The following DENND2C variants were observed in gnomAD, a reference collection of about 807,000 sequenced individuals.
DENND2C encodes the protein DENN domain containing 2C.
A neutral mutation model predicts 112.4 loss-of-function variants in DENND2C; 72 were observed. The observed-to-expected ratio is 0.64, with a 90% CI of 0.53 to 0.78. The LOEUF (loss-of-function observed/expected upper bound fraction) is 0.78. Ranked by LOEUF, DENND2C falls within the 30% of genes least tolerant of loss-of-function variation. The pLI is 0.00. For missense variants in DENND2C, 992 were observed against 1,113.8 expected (o/e 0.89, Z 1.56); for synonymous variants, 329 against 381.6 (o/e 0.86, Z 1.61).
At chr1:114,654,973 A>G (rs369065130) in intron 1 of DENND2C, among the ~76,000 whole-genome samples, 13 of 152,176 alleles carry the variant, frequency 8.5e-5, no homozygotes, top group African/African-American at 2.9e-4. Context: ...GAAGTCCCAT[A>G]TAACACTTTT....
intron 3 of DENND2C, among the ~76,000 whole-genome samples, chr1:114,632,001 T>C (rs1656503674): frequency 6.6e-6 from 1 of 152,060 alleles, no homozygotes; most frequent in South Asian, 2.1e-4. Context: ...CTATCTGAAA[T>C]GAAAAATTCA....
intron 3 of DENND2C, among the ~76,000 whole-genome samples, chr1:114,626,867 A>G (rs2101668640): frequency 6.6e-6 from 1 of 152,010 alleles, no homozygotes; most frequent in East Asian, 1.9e-4. Flanking sequence ...ATATATATAC[A>G]CAGAATTACA....
At chr1:114,620,130 G>A (rs1366109384) in intron 7 of DENND2C, among the ~76,000 whole-genome samples, 2 of 152,150 alleles carry the variant, frequency 1.3e-5, no homozygotes, top group East Asian at 1.9e-4. Flanking sequence ...GGCATTAAAG[G>A]GGAAATAAAT....
rs1387102259 is a variant in DENND2C, at chr1:114,594,565, T to C, written c.2339A>G (p.Asp780Gly). 3 of 1,613,354 alleles carry C rather than the reference T, an allele frequency of 1.9e-6. No homozygotes were observed. Among genetic ancestry groups the C allele is most frequent in the Non-Finnish European group, 8.5e-7 (1 of 1,179,822 alleles). ...TTGAAGTTTTGGTGGTAGAATTTCATCCTCATCAGATACCTTAAGAAGAAA... is the reference window on the plus strand; with the variant it reads ...TTGAAGTTTTGGTGGTAGAATTTCACCCTCATCAGATACCTTAAGAAGAAA... ...DKFLQEVSDEDEILPPKLQAA... is the reference protein window; with the variant it reads ...DKFLQEVSDEGEILPPKLQAA... The change falls in exon 18 of 21, where the codon GAT becomes GGT. Residue 780 changes from aspartate to glycine, a missense_variant. By Grantham distance (94) the Asp-to-Gly change is moderately conservative. Around this residue, in one of 3 missense-constraint regions of DENND2C, gnomAD observed 516 missense variants for 623.6 expected, o/e 0.83. Transcript: ENST00000393274.
intron 3 of DENND2C, among the ~76,000 whole-genome samples, chr1:114,644,402 C>T (rs1656923731): frequency 6.6e-6 from 1 of 151,984 alleles, no homozygotes; most frequent in Non-Finnish European, 1.5e-5. Flanking sequence ...ATACAGTAAT[C>T]CCTCAGTAAG....
At position 114,599,290 on chromosome 1, in the gene DENND2C, T is replaced by C. The variant is rs1655428540; in HGVS notation, c.2267A>G (p.Asp756Gly). 1 of 1,612,988 alleles carries C rather than the reference T, an allele frequency of 6.2e-7. No individual in the cohort carries two copies. Among genetic ancestry groups the C allele is most frequent in the African/African-American group, 1.3e-5 (1 of 74,926 alleles). The change falls in exon 16 of 21, where the codon GAC becomes GGC. Residue 756 changes from aspartate to glycine, a missense_variant. Physicochemically the swap from Asp to Gly is moderately conservative, Grantham distance 94. Around this residue, in one of 3 missense-constraint regions of DENND2C, gnomAD observed 516 missense variants for 623.6 expected, o/e 0.83. Transcript: ENST00000393274. ...CTATCTCACCTCTTCAATGGGTAGG[T>C]CCTGGAGCTGTGGTAAGGAGCAAGA... ...ILSCSLPQLQ[D>G]LPIEEVLIVD...
intron 16 of DENND2C, 64 bp from the exon 17 acceptor site, chr1:114,595,937 G>A: frequency 6.8e-7 from 1 of 1,465,034 alleles, no homozygotes; most frequent in Non-Finnish European, 9.5e-7. Flanking sequence ...CAGGCAATGA[G>A]AATAGTTTTA....
chr1:114,622,501 T>C (rs1656193756), intron 6 of DENND2C, among the ~76,000 whole-genome samples: 1 of 152,172 alleles, frequency 6.6e-6, no homozygotes, highest in Admixed American at 6.6e-5. Flanking sequence ...TTTAAAATCA[T>C]TTCAAATGAA....
At chr1:114,622,500 A>G (rs1656193690) in intron 6 of DENND2C, among the ~76,000 whole-genome samples, 1 of 152,168 alleles carries the variant, frequency 6.6e-6, no homozygotes, top group South Asian at 2.1e-4. Context: ...ATTTAAAATC[A>G]TTTCAAATGA....
intron 1 of DENND2C, among the ~76,000 whole-genome samples, chr1:114,663,393 T>A (rs1657552989): frequency 6.6e-6 from 1 of 152,264 alleles, no homozygotes; most frequent in Admixed American, 6.5e-5. Context: ...TACAAGTTAA[T>A]CTATTTCTCT....
At chr1:114,596,705 T>C (rs1655351925) in intron 16 of DENND2C, among the ~76,000 whole-genome samples, 1 of 152,206 alleles carries the variant, frequency 6.6e-6, no homozygotes, top group South Asian at 2.1e-4. Context: ...TTCATTTCAC[T>C]CTTCTGTTTA....
intron 20 of DENND2C, chr1:114,587,121 C>T (rs971936397): frequency 8.3e-5 from 32 of 387,122 alleles, no homozygotes; most frequent in African/African-American, 4.0e-4. Context: ...TAGCTAGTCT[C>T]GAACTCCTAA....
At chr1:114,632,873 C>T (rs976195177) in intron 3 of DENND2C, among the ~76,000 whole-genome samples, 3 of 151,444 alleles carry the variant, frequency 2.0e-5, no homozygotes, top group African/African-American at 4.9e-5. Context: ...TGCAGGATCA[C>T]GTAAAAATTT....
At chr1:114,587,141 A>G (rs974965884) in intron 20 of DENND2C, 2 of 453,408 alleles carry the variant, frequency 4.4e-6, no homozygotes, top group Middle Eastern at 6.4e-4. Context: ...ACCTCAGGTG[A>G]TCAACCTGCC....
At chr1:114,644,242 C>T (rs1656919181) in intron 3 of DENND2C, among the ~76,000 whole-genome samples, 1 of 152,184 alleles carries the variant, frequency 6.6e-6, no homozygotes, top group South Asian at 2.1e-4. Flanking sequence ...CCTTTTCCAA[C>T]ATGATTTTCT....
chr1:114,653,036 G>C (rs1442944162), intron 2 of DENND2C, among the ~76,000 whole-genome samples: 1 of 151,978 alleles, frequency 6.6e-6, no homozygotes, highest in Non-Finnish European at 1.5e-5. Context: ...GTATCCACAG[G>C]TGCAAAATCC....
chr1:114,632,161 GACA>G (rs1266629018), intron 3 of DENND2C, among the ~76,000 whole-genome samples: 2 of 152,156 alleles, frequency 1.3e-5, no homozygotes, highest in Non-Finnish European at 2.9e-5. Context: ...GCTTCACTGG[GACA>G]ACATCAAGTG....
At chr1:114,631,206 T>C (rs1378383143) in intron 3 of DENND2C, among the ~76,000 whole-genome samples, 1 of 151,310 alleles carries the variant, frequency 6.6e-6, no homozygotes, top group Non-Finnish European at 1.5e-5. Flanking sequence ...CGAAACCCCA[T>C]CTCTACTAAA....
intron 3 of DENND2C, among the ~76,000 whole-genome samples, chr1:114,635,502 A>G (rs1230218901): frequency 6.6e-6 from 1 of 152,178 alleles, no homozygotes; most frequent in Admixed American, 6.6e-5. Flanking sequence ...TGGGTGACAG[A>G]GCAAGACCGT....
Sources: allele counts gnomAD v4.1 joint callset (sites outside exome capture counted in the v4.1 genomes callset), GRCh38; gene constraint gnomAD v4.1.1; regional missense constraint gnomAD v4.1.1; transcripts MANE v1.5; gene names NCBI Gene and HGNC (gene_info 2026-07-23, HGNC 2026-07-21).